CHM: variants seen among roughly 807,000 people sequenced by gnomAD.
The protein encoded by CHM is rab proteins geranylgeranyltransferase component A 1.
Under a neutral mutation model 49.0 loss-of-function variants are expected in CHM, and 10 were observed. The ratio of observed to expected loss-of-function variants is 0.20; its 90% confidence interval spans 0.13 to 0.35. CHM has a LOEUF of 0.35. CHM is among the 10% of genes least tolerant of loss of function. CHM has a pLI of 1.00. For missense variants in CHM, 455 were observed against 478.4 expected (o/e 0.95, Z 0.46); for synonymous variants, 184 against 167.5 (o/e 1.10, Z -0.76).
chrX:85,904,837 CCATATT>C (rs754926469), intron 9 of CHM, among the ~76,000 whole-genome samples: 200 of 111,737 alleles, frequency 1.8e-3, no homozygotes, highest in African/African-American at 6.2e-3. Context: ...AGTTCTGTAT[CCATATT>C]TGTAATTGTC....
At chrX:85,882,049 A>G (rs1924793779) in intron 12 of CHM, among the ~76,000 whole-genome samples, 1 of 111,581 alleles carries the variant, frequency 9.0e-6, no homozygotes, top group African/African-American at 3.3e-5. Context: ...GACTGATGTT[A>G]TAATTTTACT....
chrX:85,986,009 CT>C (rs1931883176), intron 2 of CHM, among the ~76,000 whole-genome samples: 1 of 111,251 alleles, frequency 9.0e-6, no homozygotes, highest in Non-Finnish European at 1.9e-5. Flanking sequence ...CTGCAGCAGA[CT>C]TCCCTTGCTA....
At chrX:85,881,369 T>C (rs974188014) in intron 12 of CHM, among the ~76,000 whole-genome samples, 6 of 112,495 alleles carry the variant, frequency 5.3e-5, no homozygotes, top group African/African-American at 1.6e-4. Context: ...ATTCTCAAAA[T>C]ACATTTAAGA....
chrX:85,970,790 T>A (rs895730555), intron 4 of CHM: 9 of 242,937 alleles, frequency 3.7e-5, no homozygotes, highest in African/African-American at 2.7e-4. Context: ...AGCAAAAATA[T>A]TTTAGGTCCA....
intron 8 of CHM, among the ~76,000 whole-genome samples, chrX:85,934,668 T>G (rs1193092611): frequency 1.8e-5 from 2 of 110,637 alleles, no homozygotes; most frequent in Non-Finnish European, 3.8e-5. Flanking sequence ...CCACATTTCC[T>G]TAATCCAGTC....
At chrX:86,041,430 A>C (rs1934452566) in intron 1 of CHM, among the ~76,000 whole-genome samples, 1 of 110,737 alleles carries the variant, frequency 9.0e-6, no homozygotes, top group African/African-American at 3.3e-5. Flanking sequence ...TTTCACTCCT[A>C]TAGCATCTCT....
intron 8 of CHM, among the ~76,000 whole-genome samples, chrX:85,921,047 G>A (rs1302237366): frequency 8.9e-6 from 1 of 111,837 alleles, no homozygotes. Context: ...TATAACCATG[G>A]GAATAGTGGT....
At chrX:85,938,246 T>G (rs1366909692) in intron 8 of CHM, among the ~76,000 whole-genome samples, 1 of 112,049 alleles carries the variant, frequency 8.9e-6, no homozygotes. Context: ...CACTCTTTCC[T>G]CAAGGGAAAA....
At chrX:85,974,585 C>G (rs1436286635) in intron 4 of CHM, among the ~76,000 whole-genome samples, 5 of 110,836 alleles carry the variant, frequency 4.5e-5, no homozygotes, top group Non-Finnish European at 9.5e-5. Context: ...ATAGACCCAT[C>G]CAAGTACAAT....
chrX:85,976,221 T>C (rs1208067271), intron 4 of CHM, among the ~76,000 whole-genome samples: 1 of 111,811 alleles, frequency 8.9e-6, no homozygotes, highest in Non-Finnish European at 1.9e-5. Flanking sequence ...TTGAGGGATC[T>C]TCTGATATGA....
chrX:85,909,000 C>T lies in CHM; in HGVS notation c.1244+2261G>A, dbSNP rs562394885. On this transcript the variant is annotated intron_variant, in intron 9 of 14. Coordinates refer to ENST00000357749, the MANE Select transcript of CHM (RefSeq NM_000390.4). ...GAACTATCTAAGAACTCAACCAAGG[C>T]ATGTCAAATCTAGAAAGATATCCAG... is the stretch of plus-strand genomic sequence containing the variant. Among the ~76,000 whole-genome samples the T allele has an allele frequency of 3.6e-4, 40 of 111,789 alleles. No homozygotes were observed. In the South Asian group the frequency reaches 0.014, roughly 38 times the overall value.
Position 85,942,084 on chromosome X carries a change from CAGG to C in CHM, c.1166+14066_1166+14068del, listed in dbSNP as rs200371480. ...ATACACAGTTAATAAATAGCAGAAT[CAGG>C]AGATGATCCCATTGGTCTGGCTCCA... On this transcript the variant is annotated intron_variant, in intron 8 of 14. Coordinates refer to ENST00000357749, the MANE Select transcript of CHM (RefSeq NM_000390.4). 2.5e-3 allele frequency among the ~76,000 whole-genome samples: 277 copies of C among 111,518 alleles called. 2 individuals are homozygous for C. Among genetic ancestry groups the C allele is most frequent in the African/African-American group, 8.9e-3 (274 of 30,768 alleles).
intron 8 of CHM, among the ~76,000 whole-genome samples, chrX:85,912,842 C>T (rs761919832): frequency 1.0e-4 from 11 of 106,352 alleles, no homozygotes; most frequent in Admixed American, 5.1e-4. Context: ...GGTGAAACCC[C>T]GTCTCTACTA....
At chrX:85,942,119 A>G (rs1432810012) in intron 8 of CHM, among the ~76,000 whole-genome samples, 1 of 111,170 alleles carries the variant, frequency 9.0e-6, no homozygotes, top group Non-Finnish European at 1.9e-5. Context: ...TCCAAAATAT[A>G]CTTTCTTATT....
intron 11 of CHM, among the ~76,000 whole-genome samples, chrX:85,897,801 T>C (rs1926002590): frequency 9.0e-6 from 1 of 110,999 alleles, no homozygotes; most frequent in Non-Finnish European, 1.9e-5. Flanking sequence ...TGCATGGTTT[T>C]CTTAAGCAGC....
intron 9 of CHM, among the ~76,000 whole-genome samples, chrX:85,902,846 C>A (rs1204313770): frequency 9.0e-6 from 1 of 111,557 alleles, no homozygotes; most frequent in Non-Finnish European, 1.9e-5. Flanking sequence ...AAATCTTTTT[C>A]TTACCTTTAA....
Position 85,969,235 on chromosome X carries a change from CAGAA to C in CHM, c.315-5187_315-5184del, listed in dbSNP as rs1930749611. On this transcript the variant is annotated intron_variant, in intron 4 of 14. Coordinates refer to ENST00000357749, the MANE Select transcript of CHM (RefSeq NM_000390.4). Reference sequence around the variant, plus strand: ...GTTCAGTACAATGCAGAAAATAGGACAGAAAATGTATAAAGCTATTGTTAATATT... The same window carrying C: ...GTTCAGTACAATGCAGAAAATAGGACAATGTATAAAGCTATTGTTAATATT... 3 of 728,782 alleles carry C rather than the reference CAGAA, an allele frequency of 4.1e-6. No individual in the cohort carries two copies. The Admixed American group carries it at 2.7e-4, about 65-fold the overall frequency. The allele number at this position is 728,782 out of a possible 1,213,427, so 60.1% of individuals were successfully genotyped here. A position where few individuals can be genotyped will look rare whatever the true frequency, so the allele number is the denominator to read the frequency against.
chrX:85,897,573 T>C (rs1925985650), intron 11 of CHM, among the ~76,000 whole-genome samples: 1 of 109,998 alleles, frequency 9.1e-6, no homozygotes, highest in South Asian at 3.9e-4. Flanking sequence ...AGCCTCACTA[T>C]TTTCAGCGAA....
At chrX:85,941,151 A>T (rs1466848280) in intron 8 of CHM, among the ~76,000 whole-genome samples, 1 of 112,251 alleles carries the variant, frequency 8.9e-6, no homozygotes, top group African/African-American at 3.2e-5. Context: ...TACATTTACA[A>T]TAAAGACACA....
Sources: allele counts gnomAD v4.1 joint callset (sites outside exome capture counted in the v4.1 genomes callset), GRCh38; gene constraint gnomAD v4.1.1; transcripts MANE v1.5; gene names NCBI Gene and HGNC (gene_info 2026-07-23, HGNC 2026-07-21).